The following ARMH3 variants were observed in gnomAD, a reference collection of about 807,000 sequenced individuals.
ARMH3 encodes armadillo like helical domain containing 3, also known as armadillo-like helical domain-containing protein 3.
In ARMH3, 60 loss-of-function variants were observed where a neutral mutation model predicts 99.1. That is an observed-to-expected ratio of 0.61 (90% CI 0.49 to 0.75). The LOEUF is 0.75. ARMH3 is among the 30% of genes least tolerant of loss of function. The pLI, the probability that ARMH3 is intolerant of heterozygous loss-of-function variation, is 0.00. For missense variants in ARMH3, 679 were observed against 843.1 expected (o/e 0.81, Z 2.41); for synonymous variants, 285 against 292.8 (o/e 0.97, Z 0.27).
chr10:101,993,372 C>T (rs141218328), intron 17 of ARMH3, among the ~76,000 whole-genome samples, 166 bp downstream of exon 17: 2 of 151,730 alleles, frequency 1.3e-5, no homozygotes, highest in Non-Finnish European at 1.5e-5. Context: ...CCATGACACA[C>T]AAAAATCCCA....
intron 2 of ARMH3, among the ~76,000 whole-genome samples, chr10:102,036,298 G>T (rs1198167785): frequency 6.6e-6 from 1 of 151,478 alleles, no homozygotes; most frequent in African/African-American, 2.4e-5. Flanking sequence ...CCAGGAGGTG[G>T]GGGGCGCCTC....
chr10:101,957,698 A>G lies in ARMH3; in HGVS notation c.1530T>C (p.Asn510=), dbSNP rs754150261. The change falls in exon 21 of 26, where the codon AAT becomes AAC. Residue 510 remains asparagine (N), a synonymous_variant. Coordinates refer to ENST00000370033, the MANE Select transcript of ARMH3 (RefSeq NM_024541.3). The part of the protein sequence containing the change: ...LINLLKFLMS[N]ETVLLAKHNI... ...TGTGTTTGGCCAAAAGTACAGTCTC[A>G]TTTGACATAAGGAACTTCAGCAAAT... is the stretch of plus-strand genomic sequence containing the variant. 1 of 1,606,762 alleles carries G rather than the reference A, an allele frequency of 6.2e-7. No individual in the cohort carries two copies. Among genetic ancestry groups the G allele is most frequent in the Non-Finnish European group, 8.5e-7 (1 of 1,177,924 alleles).
At chr10:101,907,459 T>A (rs893582978) in intron 23 of ARMH3, among the ~76,000 whole-genome samples, 1 of 151,596 alleles carries the variant, frequency 6.6e-6, no homozygotes, top group Non-Finnish European at 1.5e-5. Context: ...CTCAGCTCAC[T>A]GCAACCTCCG....
intron 2 of ARMH3, 152 bp downstream of exon 2, chr10:102,039,861 C>T: frequency 1.6e-6 from 1 of 644,026 alleles, no homozygotes; most frequent in Non-Finnish European, 2.7e-6. Flanking sequence ...TCTACTCTGA[C>T]AGCTTTCATT....
At chr10:102,016,729 T>C (rs1229252961) in intron 8 of ARMH3, among the ~76,000 whole-genome samples, 1 of 152,230 alleles carries the variant, frequency 6.6e-6, no homozygotes, top group Admixed American at 6.5e-5. Flanking sequence ...ACTGTTGTAC[T>C]GGTCACTTTT....
intron 20 of ARMH3, among the ~76,000 whole-genome samples, chr10:101,962,143 C>G (rs1845323942): frequency 6.6e-6 from 1 of 152,216 alleles, no homozygotes; most frequent in Non-Finnish European, 1.5e-5. Context: ...AATGGCTGCT[C>G]ACTCCCTCAA....
chr10:101,953,237 C>T (rs533757370), intron 22 of ARMH3, among the ~76,000 whole-genome samples: 4 of 152,318 alleles, frequency 2.6e-5, no homozygotes, highest in African/African-American at 7.2e-5. Flanking sequence ...TCCAGTGATC[C>T]TCCCACCTTA....
chr10:101,967,367 A>G (rs568796834), intron 20 of ARMH3, among the ~76,000 whole-genome samples: 1 of 152,316 alleles, frequency 6.6e-6, no homozygotes, highest in East Asian at 1.9e-4. Context: ...GGACATTGCC[A>G]GCAATCAGCA....
At chr10:102,033,660 C>T (rs1447307028) in intron 2 of ARMH3, among the ~76,000 whole-genome samples, 3 of 152,120 alleles carry the variant, frequency 2.0e-5, no homozygotes, top group Admixed American at 6.5e-5. Flanking sequence ...CCTCATGATC[C>T]GCCCGCCTCA....
intron 19 of ARMH3, among the ~76,000 whole-genome samples, chr10:101,987,618 T>C (rs1443924910): frequency 1.3e-5 from 2 of 152,214 alleles, no homozygotes; most frequent in Non-Finnish European, 2.9e-5. Context: ...TGTGTGACCA[T>C]TAGAAATGAT....
At chr10:101,962,541 T>G (rs1189066455) in intron 20 of ARMH3, among the ~76,000 whole-genome samples, 1 of 152,226 alleles carries the variant, frequency 6.6e-6, no homozygotes, top group East Asian at 1.9e-4. Context: ...TAACACTTAT[T>G]AGGTGCTTGC....
chr10:101,964,869 C>T (rs915823461), intron 20 of ARMH3, among the ~76,000 whole-genome samples: 8 of 151,738 alleles, frequency 5.3e-5, no homozygotes, highest in Admixed American at 1.3e-4. Flanking sequence ...AAAAATTAGC[C>T]TGGCATGGTG....
intron 8 of ARMH3, among the ~76,000 whole-genome samples, chr10:102,020,418 T>C (rs146637621): frequency 0.027 from 4,149 of 151,950 alleles, 101 homozygotes; most frequent in Middle Eastern, 0.048. Flanking sequence ...GGCTCACACC[T>C]ATAATCCAAG....
intron 17 of ARMH3, among the ~76,000 whole-genome samples, chr10:101,992,999 G>A (rs757794540): frequency 2.0e-5 from 3 of 151,918 alleles, no homozygotes; most frequent in Non-Finnish European, 2.9e-5. Flanking sequence ...GGCCAGGCGC[G>A]GTGGCTCACA....
At chr10:101,935,670 G>C (rs1354022012) in intron 23 of ARMH3, among the ~76,000 whole-genome samples, 1 of 152,164 alleles carries the variant, frequency 6.6e-6, no homozygotes, top group African/African-American at 2.4e-5. Flanking sequence ...GCTGTCTAAA[G>C]ACTTCACATG....
intron 24 of ARMH3, among the ~76,000 whole-genome samples, chr10:101,852,917 CTT>C (rs1169733504): frequency 6.6e-6 from 1 of 151,058 alleles, no homozygotes; most frequent in Non-Finnish European, 1.5e-5. Flanking sequence ...CAGTCTTGCT[CTT>C]GTCACCCAGG....
chr10:101,980,501 G>A (rs2135948983), intron 19 of ARMH3, among the ~76,000 whole-genome samples: 1 of 152,254 alleles, frequency 6.6e-6, no homozygotes, highest in Middle Eastern at 3.4e-3. Context: ...GTTTTACCAT[G>A]TTGGCCAGGC....
rs139360968 is a variant in ARMH3 at position 101,941,372 on chromosome 10, G to A, written c.1706-1434C>T. Among the ~76,000 whole-genome samples, 176 of 152,262 alleles carry A rather than the reference G, an allele frequency of 1.2e-3. 1 individual carries two copies. Among genetic ancestry groups the A allele is most frequent in the African/African-American group, 3.9e-3 (163 of 41,548 alleles). ...CTACCTCCCAAATGAATGAATGAAT[G>A]TACCTGGACTTTCCCAAAAGAAAAA... On this transcript the variant is annotated intron_variant, in intron 22 of 25. Transcript: ENST00000370033.
At chr10:101,938,779 T>A (rs1844109148) in intron 23 of ARMH3, among the ~76,000 whole-genome samples, 1 of 152,238 alleles carries the variant, frequency 6.6e-6, no homozygotes, top group African/African-American at 2.4e-5. Flanking sequence ...TGCATTTATT[T>A]GTGAGATTTA....
Sources: allele counts gnomAD v4.1 joint callset (sites outside exome capture counted in the v4.1 genomes callset), GRCh38; gene constraint gnomAD v4.1.1; transcripts MANE v1.5; gene names NCBI Gene and HGNC (gene_info 2026-07-23, HGNC 2026-07-21).